The following CELF2 variants were observed in gnomAD, a reference collection of about 807,000 sequenced individuals.
The protein encoded by CELF2 is CUGBP Elav-like family member 2.
A neutral mutation model predicts 62.6 loss-of-function variants in CELF2; 8 were observed. That is an observed-to-expected ratio of 0.13 (90% CI 0.07 to 0.23). The LOEUF (loss-of-function observed/expected upper bound fraction) is 0.23. Among genes scored for constraint, CELF2 ranks in the 10% least tolerant of loss-of-function variants. The pLI is 1.00. For synonymous variants in CELF2, 258 were observed against 250.0 expected, an observed-to-expected ratio of 1.03 and a Z score of -0.30; for missense variants, 333 against 671.0, an observed-to-expected ratio of 0.50 and a Z score of 5.56.
intron 1 of CELF2, among the ~76,000 whole-genome samples, chr10:10,844,326 GA>G (rs763008889): frequency 5.9e-5 from 9 of 151,992 alleles, no homozygotes; most frequent in Non-Finnish European, 1.3e-4. Context: ...ACCCCCATGT[GA>G]GCCAGAGTGT....
At chr10:11,104,878 T>G (rs910593393) in intron 1 of CELF2, among the ~76,000 whole-genome samples, 2 of 152,218 alleles carry the variant, frequency 1.3e-5, no homozygotes, top group Non-Finnish European at 2.9e-5. Flanking sequence ...GTAGTTTGGC[T>G]CCATATAGCA....
chr10:10,613,444 C>T, the CELF2 span, among the ~76,000 whole-genome samples: 6 of 152,104 alleles, frequency 3.9e-5, no homozygotes, highest in African/African-American at 7.2e-5. Flanking sequence ...CATTGGCATG[C>T]GGAATCAATG....
intron 1 of CELF2, among the ~76,000 whole-genome samples, chr10:11,099,533 G>C (rs1463046913): frequency 6.6e-6 from 1 of 151,808 alleles, no homozygotes; most frequent in Non-Finnish European, 1.5e-5. Context: ...GGATTAAAAA[G>C]GGGACTAGCT....
At chr10:10,580,434 C>A in the CELF2 span, among the ~76,000 whole-genome samples, 1 of 152,096 alleles carries the variant, frequency 6.6e-6, no homozygotes, top group East Asian at 1.9e-4. Flanking sequence ...TATAAGAAAT[C>A]CTTTTTTTAC....
the CELF2 span, among the ~76,000 whole-genome samples, chr10:10,598,754 T>TC: frequency 3.4e-5 from 4 of 116,588 alleles, no homozygotes; most frequent in African/African-American, 1.5e-4. Context: ...TTTCTTTCTT[T>TC]TTTTTTTTTT....
the CELF2 span, among the ~76,000 whole-genome samples, chr10:10,639,384 G>A: frequency 6.6e-6 from 1 of 152,178 alleles, no homozygotes; most frequent in Admixed American, 6.5e-5. Flanking sequence ...GTTGCAATTT[G>A]CAGGACTTAT....
the CELF2 span, among the ~76,000 whole-genome samples, chr10:10,562,162 T>C: frequency 2.6e-5 from 4 of 152,186 alleles, no homozygotes; most frequent in Non-Finnish European, 5.9e-5. Context: ...GATTTCCAGC[T>C]GTAGTCACTC....
chr10:11,243,245 C>A lies in CELF2; in HGVS notation c.355-5908C>A, dbSNP rs1288494451. Among the ~76,000 whole-genome samples, 1 of 152,072 alleles carries A rather than the reference C, an allele frequency of 6.6e-6. No homozygotes were observed. The highest frequency in any genetic ancestry group is 3.4e-3 in the Middle Eastern group (1 of 294). On this transcript the variant is annotated intron_variant, in intron 3 of 12. Transcript: ENST00000633077. The surrounding 1 kb of genome is among the most constrained non-coding windows in gnomAD (Gnocchi z 4.1). ...CCCCGGGAGGGAGAAAGGGAAGGAG[C>A]CTTTGAAATTTCCCCTTTCGCTATG...
At chr10:10,709,910 C>G in the CELF2 span, among the ~76,000 whole-genome samples, 3 of 152,186 alleles carry the variant, frequency 2.0e-5, no homozygotes, top group Non-Finnish European at 4.4e-5. Flanking sequence ...CTAACTCTCC[C>G]CACGAAGTAA....
rs999586364 is a variant in CELF2 at position 11,267,848 on chromosome 10, C to G, written c.618+1171C>G. ...GCATGGCATTGTCATTCAGTGTTTACTGTACTTTTCTGACTTGTGATACCA... is the reference window on the plus strand; with the variant it reads ...GCATGGCATTGTCATTCAGTGTTTAGTGTACTTTTCTGACTTGTGATACCA... On this transcript the variant is annotated intron_variant, in intron 6 of 12. Transcript: ENST00000633077. This position sits in a 1 kb window ranked among gnomAD's most constrained non-coding sequence, Gnocchi z 4.4. Among the ~76,000 whole-genome samples the G allele has an allele frequency of 6.6e-6, 1 of 152,158 alleles. No individual in the cohort carries two copies. Among genetic ancestry groups the G allele is most frequent in the South Asian group, 2.1e-4 (1 of 4,824 alleles).
the CELF2 span, among the ~76,000 whole-genome samples, chr10:10,742,762 C>A: frequency 6.6e-6 from 1 of 152,274 alleles, no homozygotes; most frequent in African/African-American, 2.4e-5. Flanking sequence ...CCAGCCTCAC[C>A]TTTTGACAAT....
chr10:11,084,727 A>G (rs1173144473), intron 1 of CELF2, among the ~76,000 whole-genome samples: 2 of 151,816 alleles, frequency 1.3e-5, no homozygotes, highest in East Asian at 1.9e-4. Flanking sequence ...ATAATTAGTA[A>G]AAGTCCCTAG....
the CELF2 span, among the ~76,000 whole-genome samples, chr10:10,519,388 C>G: frequency 6.6e-6 from 1 of 151,988 alleles, no homozygotes; most frequent in African/African-American, 2.4e-5. Context: ...ATGACATGAC[C>G]CAAGACATTG....
intron 5 of CELF2, among the ~76,000 whole-genome samples, chr10:11,261,611 T>G (rs1422963832): frequency 6.6e-6 from 1 of 152,224 alleles, no homozygotes; most frequent in Non-Finnish European, 1.5e-5. Flanking sequence ...GGACTCTTCC[T>G]GGCTTGAGGC....
In CELF2 at chr10:10,993,681, G is replaced by A. The variant is rs995494319; in HGVS notation, c.89+73682G>A. 6.6e-6 allele frequency among the ~76,000 whole-genome samples: 1 copy of A among 152,138 alleles called. No individual in the cohort carries two copies. Among genetic ancestry groups the A allele is most frequent in the Non-Finnish European group, 1.5e-5 (1 of 68,016 alleles). On this transcript the variant is annotated intron_variant, in intron 2 of 13. Transcript: ENST00000636488. The surrounding 1 kb of genome is among the most constrained non-coding windows in gnomAD (Gnocchi z 5.3). Reference sequence around the variant, plus strand: ...GGCTTGTGCTGCATGATTCTAATGGGGTATTAGAGAACTGGAGGACAGTCC... The same window carrying A: ...GGCTTGTGCTGCATGATTCTAATGGAGTATTAGAGAACTGGAGGACAGTCC...
intron 2 of CELF2, among the ~76,000 whole-genome samples, chr10:10,954,472 T>A (rs1332920724): frequency 2.0e-5 from 3 of 152,106 alleles, no homozygotes; most frequent in African/African-American, 7.2e-5. Context: ...GGTCCCGAAC[T>A]CCTGACCTTG....
chr10:10,525,418 C>T, the CELF2 span, among the ~76,000 whole-genome samples: 4 of 152,030 alleles, frequency 2.6e-5, no homozygotes, highest in South Asian at 4.2e-4. Context: ...ATGTGTTGCC[C>T]CAGGCAATTC....
At chr10:11,202,949 CTCTGTGTGTGTG>C (rs1202524344) in intron 2 of CELF2, among the ~76,000 whole-genome samples, 25 of 44,298 alleles carry the variant, frequency 5.6e-4, no homozygotes, top group African/African-American at 2.0e-3. Context: ...CTCTCTCTCT[CTCTGTGTGTGTG>C]TGTGTGTGTG....
chr10:11,007,325 C>T (rs1363031434), intron 1 of CELF2, among the ~76,000 whole-genome samples: 1 of 152,018 alleles, frequency 6.6e-6, no homozygotes, highest in Non-Finnish European at 1.5e-5. Context: ...AGTTATGAAA[C>T]ATGAGCTATT....
Sources: gnomAD v4.1 joint callset for allele counts (sites outside exome capture counted in the v4.1 genomes callset) on GRCh38, gnomAD v4.1.1 for gene constraint, Gnocchi (gnomAD v3.1) non-coding constraint, MANE v1.5 for transcripts, NCBI Gene and HGNC (gene_info 2026-07-23, HGNC 2026-07-21) for gene names.